Variants in KCNIP1 observed in about 807,000 individuals in gnomAD.
KCNIP1 encodes the protein A-type potassium channel modulatory protein KCNIP1.
Under a neutral mutation model 33.0 loss-of-function variants are expected in KCNIP1, and 18 were observed. The observed-to-expected ratio is 0.55, with a 90% CI of 0.38 to 0.81. The LOEUF (loss-of-function observed/expected upper bound fraction) is 0.81. Among genes scored for constraint, KCNIP1 ranks in the 30% least tolerant of loss-of-function variants. KCNIP1 has a pLI of 0.00. For synonymous variants in KCNIP1, 93 were observed against 98.3 expected (o/e 0.95, Z 0.32); for missense variants, 238 against 271.6 (o/e 0.88, Z 0.87).
chr5:170,617,414 C>T (rs76725448), intron 1 of KCNIP1, among the ~76,000 whole-genome samples: 343 of 152,280 alleles, frequency 2.3e-3, no homozygotes, highest in Middle Eastern at 6.8e-3. Context: ...GACAATGCAC[C>T]GTGATCTTCT....
intron 1 of KCNIP1, among the ~76,000 whole-genome samples, chr5:170,414,744 A>G (rs1755282997): frequency 6.6e-6 from 1 of 152,254 alleles, no homozygotes; most frequent in Non-Finnish European, 1.5e-5. Flanking sequence ...TGTGTTTGAA[A>G]GAAGGAAATC....
intron 1 of KCNIP1, among the ~76,000 whole-genome samples, chr5:170,415,628 G>A (rs759572395): frequency 4.6e-5 from 7 of 152,238 alleles, no homozygotes; most frequent in Middle Eastern, 3.4e-3. Flanking sequence ...CAGGCCCACC[G>A]TCCTATCAAC....
intron 1 of KCNIP1, among the ~76,000 whole-genome samples, chr5:170,476,071 A>G (rs1260111296): frequency 5.3e-5 from 8 of 152,064 alleles, no homozygotes; most frequent in African/African-American, 1.7e-4. Flanking sequence ...TGCAGCCTCA[A>G]GTGATTCTCC....
At chr5:170,512,182 T>C (rs994227904) in intron 1 of KCNIP1, among the ~76,000 whole-genome samples, 1 of 152,236 alleles carries the variant, frequency 6.6e-6, no homozygotes, top group Non-Finnish European at 1.5e-5. Context: ...CTCTTTGTTA[T>C]AGCCATCATT....
chr5:170,437,991 G>A (rs1232985130), intron 1 of KCNIP1, among the ~76,000 whole-genome samples: 1 of 152,160 alleles, frequency 6.6e-6, no homozygotes, highest in Admixed American at 6.5e-5. Flanking sequence ...TCCCTCCACA[G>A]AGCCCCCTGT....
chr5:170,590,487 G>C (rs1468803122), intron 1 of KCNIP1, among the ~76,000 whole-genome samples: 2 of 152,126 alleles, frequency 1.3e-5, no homozygotes, highest in African/African-American at 4.8e-5. Flanking sequence ...ACCGGTAGAG[G>C]ATTTGCAGTT....
chr5:170,494,209 G>C (rs1231985636), intron 1 of KCNIP1, among the ~76,000 whole-genome samples: 1 of 152,156 alleles, frequency 6.6e-6, no homozygotes, highest in African/African-American at 2.4e-5. Flanking sequence ...ATCCAGAGCA[G>C]CCCTGAGCTG....
intron 1 of KCNIP1, among the ~76,000 whole-genome samples, chr5:170,495,032 G>A (rs1356424121): frequency 2.6e-5 from 4 of 152,302 alleles, no homozygotes; most frequent in Admixed American, 1.3e-4. Context: ...GTACCAGAAA[G>A]TTACTTTGCT....
intron 3 of KCNIP1, among the ~76,000 whole-genome samples, chr5:170,721,289 G>A (rs1763812615): frequency 6.6e-6 from 1 of 152,180 alleles, no homozygotes; most frequent in African/African-American, 2.4e-5. Context: ...GAGTTCCACT[G>A]AGCCACTGTT....
intron 1 of KCNIP1, among the ~76,000 whole-genome samples, chr5:170,593,848 C>G (rs116384324): frequency 0.011 from 1,637 of 152,234 alleles, 28 homozygotes; most frequent in African/African-American, 0.037. Context: ...TGTTTGGGGG[C>G]CTTCCCTTCC....
At chr5:170,481,665 GTCAC>G (rs1484254017) in intron 1 of KCNIP1, among the ~76,000 whole-genome samples, 2 of 151,974 alleles carry the variant, frequency 1.3e-5, no homozygotes, top group African/African-American at 4.8e-5. Flanking sequence ...TCAATCCTTG[GTCAC>G]TCAATTGAAG....
At chr5:170,683,889 A>AGTGT (rs756936341) in intron 1 of KCNIP1, among the ~76,000 whole-genome samples, 3,655 of 124,606 alleles carry the variant, frequency 0.029, 148 homozygotes, top group African/African-American at 0.076. Context: ...ATGCCCAGCT[A>AGTGT]GTGTATGTGT....
intron 1 of KCNIP1, among the ~76,000 whole-genome samples, chr5:170,675,249 T>C (rs572734134): frequency 6.6e-6 from 1 of 151,968 alleles, no homozygotes; most frequent in Non-Finnish European, 1.5e-5. Flanking sequence ...CAGTGAACCA[T>C]GATTACACCA....
chr5:170,514,313 C>T (rs1439668642), intron 1 of KCNIP1, among the ~76,000 whole-genome samples: 1 of 152,206 alleles, frequency 6.6e-6, no homozygotes, highest in Non-Finnish European at 1.5e-5. Context: ...CACTTTCTCT[C>T]CATCTCTGGG....
chr5:170,465,453 G>A (rs1756588828), intron 1 of KCNIP1, among the ~76,000 whole-genome samples: 1 of 152,212 alleles, frequency 6.6e-6, no homozygotes, highest in Non-Finnish European at 1.5e-5. Flanking sequence ...AGGGAACCAA[G>A]GGATGTGAAG....
intron 1 of KCNIP1, among the ~76,000 whole-genome samples, chr5:170,636,004 G>T (rs1329166279): frequency 6.6e-6 from 1 of 152,234 alleles, no homozygotes; most frequent in Admixed American, 6.5e-5. Flanking sequence ...CATGAGACAG[G>T]CAAGTTCTCC....
chr5:170,406,140 C>T (rs1394819459), intron 1 of KCNIP1, among the ~76,000 whole-genome samples: 4 of 152,308 alleles, frequency 2.6e-5, no homozygotes, highest in African/African-American at 7.2e-5. Flanking sequence ...AGATAACAAG[C>T]TTCATTGAAG....
chr5:170,601,286 T>C (rs1000189235), intron 1 of KCNIP1, among the ~76,000 whole-genome samples: 1 of 151,852 alleles, frequency 6.6e-6, no homozygotes, highest in Non-Finnish European at 1.5e-5. Context: ...TTCAAGAAAA[T>C]GACATTTGGA....
intron 1 of KCNIP1, among the ~76,000 whole-genome samples, chr5:170,488,938 G>T (rs368104079): frequency 6.6e-6 from 1 of 152,320 alleles, no homozygotes; most frequent in East Asian, 1.9e-4. Flanking sequence ...AAGCTGAGCC[G>T]GGGCCTGACT....
Sources: allele counts gnomAD v4.1 joint callset (sites outside exome capture counted in the v4.1 genomes callset), GRCh38; gene constraint gnomAD v4.1.1; transcripts MANE v1.5; gene names NCBI Gene and HGNC (gene_info 2026-07-23, HGNC 2026-07-21).